Variants in EPHA7 observed in about 807,000 individuals in gnomAD.
EPHA7 encodes the protein ephrin type-A receptor 7.
A neutral mutation model predicts 112.6 loss-of-function variants in EPHA7; 25 were observed. The ratio of observed to expected loss-of-function variants is 0.22; its 90% CI spans 0.16 to 0.31. The LOEUF (loss-of-function observed/expected upper bound fraction) is 0.31, where lower values mean the gene tolerates loss of function less well. Ranked by LOEUF, EPHA7 falls within the 10% of genes least tolerant of loss-of-function variation. The pLI is 1.00. For synonymous variants in EPHA7, 437 were observed against 406.5 expected (o/e 1.07, Z -0.90); for missense variants, 962 against 1,212.6 (o/e 0.79, Z 3.07).
At chr6:93,260,382 T>G (rs1449383949) in intron 9 of EPHA7, 3 of 332,462 alleles carry the variant, frequency 9.0e-6, no homozygotes, top group Non-Finnish European at 1.3e-5. Context: ...AAAATTCAAT[T>G]ACAATAATGT....
intron 5 of EPHA7, among the ~76,000 whole-genome samples, chr6:93,284,164 T>C (rs1265153578): frequency 1.3e-5 from 2 of 152,122 alleles, no homozygotes; most frequent in Admixed American, 1.3e-4. Flanking sequence ...TCTATCTTTT[T>C]ATTTTATTTC....
chr6:93,280,574 G>A (rs1252133791), intron 5 of EPHA7, among the ~76,000 whole-genome samples: 7 of 152,076 alleles, frequency 4.6e-5, no homozygotes, highest in African/African-American at 2.4e-5. Context: ...GCTCCTTAAA[G>A]GTAGAAAACT....
intron 5 of EPHA7, among the ~76,000 whole-genome samples, chr6:93,288,381 G>A (rs1257762248): frequency 1.3e-5 from 2 of 152,122 alleles, no homozygotes; most frequent in Non-Finnish European, 2.9e-5. Flanking sequence ...AAGCAGTTTC[G>A]TGGTTGCCTA....
chr6:93,265,624 AATC>A (rs1298260082), intron 7 of EPHA7, among the ~76,000 whole-genome samples: 3 of 151,738 alleles, frequency 2.0e-5, no homozygotes, highest in Non-Finnish European at 4.4e-5. Context: ...GACTTTATAA[AATC>A]ATCAAGGACA....
chr6:93,417,856 T>C (rs1328349969), intron 1 of EPHA7, among the ~76,000 whole-genome samples: 2 of 151,698 alleles, frequency 1.3e-5, no homozygotes, highest in Non-Finnish European at 1.5e-5. Context: ...GTTGCAGATG[T>C]GGAAAGTGGG....
intron 4 of EPHA7, 118 bp from the exon 5 acceptor site, chr6:93,357,170 A>G: frequency 1.4e-6 from 1 of 713,408 alleles, no homozygotes; most frequent in East Asian, 2.7e-5. Context: ...ACCAAAGAGA[A>G]AACGAGTTGA....
intron 5 of EPHA7, among the ~76,000 whole-genome samples, chr6:93,285,161 A>G (rs1316662612): frequency 1.3e-5 from 2 of 152,208 alleles, no homozygotes; most frequent in Non-Finnish European, 2.9e-5. Flanking sequence ...CAAACTGAGC[A>G]CTTAAGTTTA....
intron 5 of EPHA7, among the ~76,000 whole-genome samples, chr6:93,338,743 T>C (rs1313321509): frequency 6.6e-6 from 1 of 151,684 alleles, no homozygotes; most frequent in Non-Finnish European, 1.5e-5. Flanking sequence ...ATCTTTTCAA[T>C]TTTCCCCTTT....
intron 5 of EPHA7, among the ~76,000 whole-genome samples, chr6:93,299,242 C>T (rs1321986135): frequency 2.0e-5 from 3 of 151,824 alleles, no homozygotes; most frequent in Non-Finnish European, 4.4e-5. Flanking sequence ...AGGAGAATGG[C>T]GTGAACCCGG....
At chr6:93,414,207 T>G (rs1779113573) in intron 2 of EPHA7, among the ~76,000 whole-genome samples, 1 of 151,908 alleles carries the variant, frequency 6.6e-6, no homozygotes, top group South Asian at 2.1e-4. Flanking sequence ...TATATAATAT[T>G]TTATAGTAAA....
intron 3 of EPHA7, among the ~76,000 whole-genome samples, chr6:93,405,852 A>AAC (rs1778695845): frequency 3.7e-5 from 3 of 80,044 alleles, no homozygotes; most frequent in Non-Finnish European, 8.4e-5. Flanking sequence ...TATATATATA[A>AAC]ATGATTATAA....
At chr6:93,362,987 T>C (rs967198083) in intron 3 of EPHA7, among the ~76,000 whole-genome samples, 1 of 152,228 alleles carries the variant, frequency 6.6e-6, no homozygotes, top group Admixed American at 6.5e-5. Flanking sequence ...TCCTGATCCT[T>C]AATGGACTGA....
At chr6:93,416,019 A>T (rs1050711075) in intron 1 of EPHA7, among the ~76,000 whole-genome samples, 1 of 152,046 alleles carries the variant, frequency 6.6e-6, no homozygotes, top group Non-Finnish European at 1.5e-5. Context: ...GAGACCCAGG[A>T]TTTTTGTTTT....
chr6:93,314,859 T>A (rs988762597), intron 5 of EPHA7, among the ~76,000 whole-genome samples: 3 of 75,368 alleles, frequency 4.0e-5, no homozygotes, highest in African/African-American at 4.5e-5. Context: ...TATAATTTTC[T>A]TTTTTTTTTT....
intron 5 of EPHA7, among the ~76,000 whole-genome samples, chr6:93,354,570 T>C (rs1775848165): frequency 6.6e-6 from 1 of 150,858 alleles, no homozygotes; most frequent in Admixed American, 6.6e-5. Flanking sequence ...ATTTACAGGA[T>C]TGTTGTACAA....
At chr6:93,314,853 ATTTTCTTTTTTTTTT>A (rs2127871923) in intron 5 of EPHA7, among the ~76,000 whole-genome samples, 1 of 139,330 alleles carries the variant, frequency 7.2e-6, no homozygotes, top group East Asian at 2.1e-4. Context: ...TGACAATATA[ATTTTCTTTTTTTTTT>A]TTTTTTTTTT....
chr6:93,319,734 T>C (rs1278129495), intron 5 of EPHA7, among the ~76,000 whole-genome samples: 1 of 152,118 alleles, frequency 6.6e-6, no homozygotes, highest in African/African-American at 2.4e-5. Flanking sequence ...TACATAGCTG[T>C]GGAAGTGAAG....
intron 3 of EPHA7, among the ~76,000 whole-genome samples, chr6:93,386,481 T>C (rs1777612305): frequency 6.6e-6 from 1 of 152,108 alleles, no homozygotes; most frequent in Non-Finnish European, 1.5e-5. Context: ...CTCCCCATTC[T>C]GGCTGCTTTC....
intron 3 of EPHA7, among the ~76,000 whole-genome samples, chr6:93,404,845 T>C (rs1778617552): frequency 6.6e-6 from 1 of 151,784 alleles, no homozygotes; most frequent in Admixed American, 6.6e-5. Flanking sequence ...ACAAAATCTA[T>C]GAGCTGTATT....
Sources: allele counts gnomAD v4.1 joint callset (sites outside exome capture counted in the v4.1 genomes callset), GRCh38; gene constraint gnomAD v4.1.1; transcripts MANE v1.5; gene names NCBI Gene and HGNC (gene_info 2026-07-23, HGNC 2026-07-21).